The following DOCK1 variants were observed in gnomAD, a reference collection of about 807,000 sequenced individuals.
The protein encoded by DOCK1 is dedicator of cytokinesis protein 1.
DOCK1 carries 138 observed loss-of-function variants against 262.7 expected under a neutral mutation model. The ratio of observed to expected loss-of-function variants is 0.53; its 90% CI spans 0.46 to 0.61. The LOEUF (loss-of-function observed/expected upper bound fraction) is 0.61, where lower values mean the gene tolerates loss of function less well. DOCK1 is among the 20% of genes least tolerant of loss of function. The pLI, the probability that DOCK1 is intolerant of heterozygous loss-of-function variation, is 0.00. For synonymous variants in DOCK1, 866 were observed against 867.4 expected, an observed-to-expected ratio of 1.00 and a Z score of 0.03; for missense variants, 1,908 against 2,370.7, an observed-to-expected ratio of 0.80 and a Z score of 4.05.
chr10:127,232,349 G>A (rs79909219), intron 27 of DOCK1, among the ~76,000 whole-genome samples: 2,768 of 152,160 alleles, frequency 0.018, 98 homozygotes, highest in African/African-American at 0.064. Context: ...GCTGTACAAA[G>A]TCTCTTGTTT....
chr10:127,021,198 C>T (rs1029145467), intron 13 of DOCK1, among the ~76,000 whole-genome samples: 1 of 152,116 alleles, frequency 6.6e-6, no homozygotes. Flanking sequence ...GGGAGTTTCG[C>T]CCTGTCACCC....
chr10:127,170,698 G>A (rs892422244), intron 27 of DOCK1, among the ~76,000 whole-genome samples: 5 of 152,100 alleles, frequency 3.3e-5, no homozygotes, highest in Non-Finnish European at 5.9e-5. Flanking sequence ...CAGTGAATTA[G>A]CACTGTTCTA....
intron 7 of DOCK1, 118 bp downstream of exon 7, chr10:126,997,001 G>A (rs1022341850): frequency 8.4e-7 from 1 of 1,195,768 alleles, no homozygotes; most frequent in Non-Finnish European, 1.1e-6. Context: ...AGGAGTAGCT[G>A]CAGAGTTTGT....
Position 127,061,736 on chromosome 10 carries a change from A to T in DOCK1, c.2405A>T (p.Asp802Val). 1 of 1,596,432 alleles carries T rather than the reference A, an allele frequency of 6.3e-7. No individual in the cohort carries two copies. Residue 802 changes from aspartate to valine, a missense_variant, in exon 23 of 52, where the codon GAC (aspartate) becomes GTC (valine). Physicochemically the swap from Asp to Val is radical, Grantham distance 152. Transcript: ENST00000623213. ...SLLQLFRSIN[D>V]MMSSMSDQTV... ...CTGCAGCTCTTCAGGTCCATCAATG[A>T]CATGATGAGCAGCATGTCAGACCAG...
intron 1 of DOCK1, among the ~76,000 whole-genome samples, chr10:126,945,866 G>A (rs2134292014): frequency 6.6e-6 from 1 of 152,314 alleles, no homozygotes; most frequent in Non-Finnish European, 1.5e-5. Flanking sequence ...AGGGGGTTTT[G>A]GGCACACCTC....
chr10:127,105,562 G>A (rs1345026910), intron 23 of DOCK1, among the ~76,000 whole-genome samples: 3 of 152,160 alleles, frequency 2.0e-5, no homozygotes, highest in Non-Finnish European at 4.4e-5. Context: ...ATTATTCTGA[G>A]GGGGACAGGT....
At chr10:127,432,855 G>A (rs915607057) in intron 47 of DOCK1, among the ~76,000 whole-genome samples, 6 of 152,142 alleles carry the variant, frequency 3.9e-5, no homozygotes, top group African/African-American at 1.4e-4. Context: ...CAGTCATTAT[G>A]GATTCATGCA....
At chr10:127,119,048 G>GC (rs2049366820) in intron 25 of DOCK1, among the ~76,000 whole-genome samples, 1 of 45,062 alleles carries the variant, frequency 2.2e-5, no homozygotes, top group Admixed American at 4.6e-4. Context: ...GAGGAATCAG[G>GC]CTTTTTTTTT....
chr10:126,946,438 T>C (rs906746415), intron 1 of DOCK1, among the ~76,000 whole-genome samples: 2 of 152,078 alleles, frequency 1.3e-5, no homozygotes, highest in Non-Finnish European at 2.9e-5. Flanking sequence ...TCCCAGCTAC[T>C]TGGGAGGCTG....
chr10:127,337,282 G>T (rs2063243343), intron 29 of DOCK1, among the ~76,000 whole-genome samples: 1 of 152,246 alleles, frequency 6.6e-6, no homozygotes, highest in South Asian at 2.1e-4. Flanking sequence ...GGTCAGGTGG[G>T]TTACTTAGAC....
chr10:127,320,473 A>C (rs1015375441), intron 29 of DOCK1, among the ~76,000 whole-genome samples: 1 of 152,126 alleles, frequency 6.6e-6, no homozygotes, highest in East Asian at 1.9e-4. Context: ...TATAGCATCC[A>C]ATCAGACACC....
rs149799022 is a variant in DOCK1, at chr10:127,202,590, A to G, written c.2848-45418A>G. On this transcript the variant is annotated intron_variant, in intron 27 of 51. Coordinates refer to ENST00000623213, the MANE Select transcript of DOCK1 (RefSeq NM_001290223.2). ...TGGAAGAGGGATGGGGTAAAGGGGAAGGCAAGGAACATGGAAGCCTCCTTG... is the reference window on the plus strand; with the variant it reads ...TGGAAGAGGGATGGGGTAAAGGGGAGGGCAAGGAACATGGAAGCCTCCTTG... Among the ~76,000 whole-genome samples, 835 of 152,316 alleles carry G rather than the reference A, an allele frequency of 5.5e-3. 5 individuals are homozygous for G. Among genetic ancestry groups the G allele is most frequent in the Middle Eastern group, 0.024 (7 of 294 alleles).
intron 1 of DOCK1, among the ~76,000 whole-genome samples, chr10:126,947,194 G>C (rs952400182): frequency 6.6e-6 from 1 of 152,250 alleles, no homozygotes; most frequent in Non-Finnish European, 1.5e-5. Context: ...TCTCAGGGCA[G>C]AATAAAGTTT....
rs114798231 is a variant in DOCK1 at position 127,447,010 on chromosome 10, G to A, written c.5414-384G>A. On this transcript the variant is annotated intron_variant, in intron 50 of 51. Coordinates refer to ENST00000623213, the MANE Select transcript of DOCK1 (RefSeq NM_001290223.2). ...GACTGCAGGGGCCTGGCTTGGCTTC[G>A]AAAGCAGTAGCAGCAGCAGCGGAGA... Among the ~76,000 whole-genome samples the A allele has an allele frequency of 6.9e-3, 1,052 of 152,270 alleles. 12 individuals carry two copies. The highest frequency in any genetic ancestry group is 0.024 in the African/African-American group (990 of 41,550).
chr10:127,442,736 AG>A (rs770490953), intron 49 of DOCK1, among the ~76,000 whole-genome samples: 5 of 152,244 alleles, frequency 3.3e-5, no homozygotes, highest in Non-Finnish European at 5.9e-5. Flanking sequence ...GTACACGCCA[AG>A]GAGACCAAAG....
In DOCK1 at chr10:126,997,349, GT is replaced by G. The variant is rs540085072; in HGVS notation, c.609+469del. 1.4e-4 allele frequency among the ~76,000 whole-genome samples: 22 copies of G among 152,198 alleles called. No homozygotes were observed. The East Asian group carries it at 4.1e-3, about 28-fold the overall frequency. On this transcript the variant is annotated intron_variant, in intron 7 of 51. Coordinates refer to ENST00000623213, the MANE Select transcript of DOCK1 (RefSeq NM_001290223.2). ...ACTGGGTAATTTATAAAGAAAAGAG[GT>G]TTAATTGGTTCATGGTTCTGCAGAC...
At chr10:126,942,150 G>T (rs1176126140) in intron 1 of DOCK1, among the ~76,000 whole-genome samples, 2 of 149,610 alleles carry the variant, frequency 1.3e-5, no homozygotes, top group African/African-American at 5.1e-5. Context: ...TCAGCCTCCC[G>T]AGTAGCGGGA....
intron 27 of DOCK1, among the ~76,000 whole-genome samples, chr10:127,221,677 G>T (rs181594254): frequency 6.6e-6 from 1 of 152,312 alleles, no homozygotes; most frequent in Non-Finnish European, 1.5e-5. Flanking sequence ...AAGGTCATGT[G>T]TCCTTTGTTT....
intron 30 of DOCK1, among the ~76,000 whole-genome samples, chr10:127,339,733 G>GTGTGTGAA (rs71032552): frequency 9.1e-6 from 1 of 109,336 alleles, no homozygotes; most frequent in Non-Finnish European, 1.9e-5. Flanking sequence ...GTGTGTGTGT[G>GTGTGTGAA]TGCATGCTGT....
Sources: gnomAD v4.1 joint callset for allele counts (sites outside exome capture counted in the v4.1 genomes callset) on GRCh38, gnomAD v4.1.1 for gene constraint, MANE v1.5 for transcripts, NCBI Gene and HGNC (gene_info 2026-07-23, HGNC 2026-07-21) for gene names.